The following CNTN5 variants were observed in gnomAD, a reference collection of about 807,000 sequenced individuals.
The protein encoded by CNTN5 is contactin 5.
CNTN5 carries 77 observed loss-of-function variants against 129.1 expected under a neutral mutation model. The observed-to-expected ratio is 0.60, with a 90% confidence interval of 0.50 to 0.72. CNTN5 has a LOEUF of 0.72. Among genes scored for constraint, CNTN5 ranks in the 30% least tolerant of loss-of-function variants. CNTN5 has a pLI of 0.00. For synonymous variants in CNTN5, 509 were observed against 465.6 expected (o/e 1.09, Z -1.20); for missense variants, 1,478 against 1,328.8 (o/e 1.11, Z -1.75).
At chr11:99,598,729 G>C (rs1390573854) in intron 3 of CNTN5, among the ~76,000 whole-genome samples, 1 of 151,810 alleles carries the variant, frequency 6.6e-6, no homozygotes, top group Non-Finnish European at 1.5e-5. Context: ...GCATATGTAG[G>C]TGATATTTCA....
intron 21 of CNTN5, among the ~76,000 whole-genome samples, chr11:100,320,130 C>A (rs1269885744): frequency 6.6e-6 from 1 of 152,128 alleles, no homozygotes; most frequent in African/African-American, 2.4e-5. Context: ...GGGGGAGCCT[C>A]CATACTGTTT....
At chr11:99,563,935 T>G (rs1948923781) in intron 3 of CNTN5, among the ~76,000 whole-genome samples, 1 of 152,164 alleles carries the variant, frequency 6.6e-6, no homozygotes, top group South Asian at 2.1e-4. Context: ...GTAGATTCAA[T>G]CTCTTCAAGA....
At chr11:99,309,383 A>C (rs1865010875) in intron 1 of CNTN5, among the ~76,000 whole-genome samples, 1 of 152,238 alleles carries the variant, frequency 6.6e-6, no homozygotes, top group African/African-American at 2.4e-5. Context: ...GTCCTGTATT[A>C]GTTTGGAAAG....
At chr11:99,672,168 C>T (rs1953072946) in intron 3 of CNTN5, among the ~76,000 whole-genome samples, 2 of 152,178 alleles carry the variant, frequency 1.3e-5, no homozygotes, top group South Asian at 2.1e-4. Context: ...GAAAACCCTA[C>T]TCTGCCCCAT....
intron 13 of CNTN5, among the ~76,000 whole-genome samples, chr11:100,121,726 G>T (rs1158378718): frequency 6.6e-6 from 1 of 152,014 alleles, no homozygotes; most frequent in Non-Finnish European, 1.5e-5. Flanking sequence ...TAATAATAGT[G>T]AATAAAATAG....
chr11:99,426,314 A>T (rs186769706), intron 2 of CNTN5, among the ~76,000 whole-genome samples: 1 of 152,304 alleles, frequency 6.6e-6, no homozygotes, highest in East Asian at 1.9e-4. Flanking sequence ...CTGTAAAATA[A>T]GTCATTCATT....
chr11:99,554,187 T>C (rs1948593918), intron 2 of CNTN5, among the ~76,000 whole-genome samples: 1 of 152,118 alleles, frequency 6.6e-6, no homozygotes, highest in African/African-American at 2.4e-5. Flanking sequence ...CCTACTAAAA[T>C]CTCACCTTCT....
chr11:100,283,999 C>CA (rs1950705925), intron 18 of CNTN5, among the ~76,000 whole-genome samples: 1 of 152,062 alleles, frequency 6.6e-6, no homozygotes, highest in African/African-American at 2.4e-5. Context: ...TGTGGGTGGG[C>CA]ATCAGCTGAA....
rs1941993561 is a variant in CNTN5 at position 99,404,695 on chromosome 11, C to T, written c.-71+79211C>T. On this transcript the variant is annotated intron_variant, in intron 2 of 24. Transcript: ENST00000524871. ...CTTTTTAACTTTTTGTTACTATTTA[C>T]ATCTTATTGTACTGTCTGTCTTAAA... 3.3e-5 allele frequency among the ~76,000 whole-genome samples: 5 copies of T among 152,078 alleles called. No individual in the cohort carries two copies. The South Asian group carries it at 1.0e-3, about 31-fold the overall frequency.
At chr11:99,665,951 GT>G (rs35577344) in intron 3 of CNTN5, among the ~76,000 whole-genome samples, 93,107 of 151,120 alleles carry the variant, frequency 0.62, 29,587 homozygotes, top group Non-Finnish European at 0.7. Context: ...ATTGTTAACT[GT>G]TTTTTTTTGT....
At chr11:99,815,278 TTAGA>T (rs1208517578) in intron 3 of CNTN5, among the ~76,000 whole-genome samples, 16 of 152,156 alleles carry the variant, frequency 1.1e-4, no homozygotes, top group Non-Finnish European at 2.2e-4. Flanking sequence ...AAGTTGAGCG[TTAGA>T]TAAAGTCCTA....
chr11:100,237,285 G>C (rs1477470980), intron 16 of CNTN5, among the ~76,000 whole-genome samples: 1 of 151,666 alleles, frequency 6.6e-6, no homozygotes, highest in African/African-American at 2.4e-5. Context: ...CATCTCCTAA[G>C]AAGACAAAAG....
chr11:100,226,406 A>C (rs2138634332), intron 16 of CNTN5, among the ~76,000 whole-genome samples: 1 of 152,280 alleles, frequency 6.6e-6, no homozygotes, highest in African/African-American at 2.4e-5. Context: ...GGGTAAATTT[A>C]AGTGGCAAAC....
At chr11:99,412,994 T>C (rs1161410374) in intron 2 of CNTN5, among the ~76,000 whole-genome samples, 1 of 152,214 alleles carries the variant, frequency 6.6e-6, no homozygotes, top group African/African-American at 2.4e-5. Context: ...GACTTTATTA[T>C]AAACTGCAGC....
intron 2 of CNTN5, among the ~76,000 whole-genome samples, chr11:99,366,151 G>A (rs1009098181): frequency 6.6e-6 from 1 of 152,114 alleles, no homozygotes; most frequent in African/African-American, 2.4e-5. Context: ...ATTGTTGCTG[G>A]TTTGCTCACT....
At chr11:99,497,862 A>G (rs1946285098) in intron 2 of CNTN5, among the ~76,000 whole-genome samples, 1 of 152,128 alleles carries the variant, frequency 6.6e-6, no homozygotes, top group Admixed American at 6.6e-5. Flanking sequence ...TACACTACTG[A>G]TAGGTTCAGA....
At chr11:99,040,295 A>C (rs1014309779) in intron 1 of CNTN5, among the ~76,000 whole-genome samples, 4 of 152,180 alleles carry the variant, frequency 2.6e-5, no homozygotes, top group Admixed American at 6.5e-5. Flanking sequence ...TTTAAAGACA[A>C]ATACCATGAA....
chr11:99,638,965 T>G (rs1236448808), intron 3 of CNTN5, among the ~76,000 whole-genome samples: 1 of 152,168 alleles, frequency 6.6e-6, no homozygotes, highest in African/African-American at 2.4e-5. Context: ...GTGAAGGGGC[T>G]CCAACCCCAC....
chr11:100,284,143 G>A (rs1164487585), intron 18 of CNTN5, among the ~76,000 whole-genome samples: 1 of 152,098 alleles, frequency 6.6e-6, no homozygotes, highest in African/African-American at 2.4e-5. Context: ...GAATGGAGGA[G>A]CGGTGGTCTC....
Sources: allele counts gnomAD v4.1 joint callset (sites outside exome capture counted in the v4.1 genomes callset), GRCh38; gene constraint gnomAD v4.1.1; transcripts MANE v1.5; gene names NCBI Gene and HGNC (gene_info 2026-07-23, HGNC 2026-07-21).